The following STAG1 variants were observed in gnomAD, a reference collection of about 807,000 sequenced individuals.
The protein encoded by STAG1 is STAG1 cohesin complex component, also known as cohesin subunit SA-1.
A neutral mutation model predicts 170.9 loss-of-function variants in STAG1; 26 were observed. That is an observed-to-expected ratio of 0.15 (90% confidence interval 0.11 to 0.21). STAG1 has a LOEUF of 0.21. STAG1 is among the 10% of genes least tolerant of loss of function. The pLI, the probability that STAG1 is intolerant of heterozygous loss-of-function variation, is 1.00. For synonymous variants in STAG1, 514 were observed against 497.7 expected, an observed-to-expected ratio of 1.03 and a Z score of -0.44; for missense variants, 964 against 1,509.5, an observed-to-expected ratio of 0.64 and a Z score of 5.99.
chr3:136,390,804 G>A (rs1194319788), intron 22 of STAG1, among the ~76,000 whole-genome samples: 1 of 152,126 alleles, frequency 6.6e-6, no homozygotes, highest in African/African-American at 2.4e-5. Flanking sequence ...GCTATCTCTT[G>A]CTCACTGCTA....
intron 12 of STAG1, among the ~76,000 whole-genome samples, chr3:136,471,683 A>G (rs1460895657): frequency 1.3e-5 from 2 of 152,204 alleles, no homozygotes; most frequent in Non-Finnish European, 1.5e-5. Context: ...ACCTGTAGAA[A>G]TACAGCTATA....
intron 1 of STAG1, among the ~76,000 whole-genome samples, chr3:136,746,060 G>A (rs1934922050): frequency 6.6e-6 from 1 of 152,110 alleles, no homozygotes; most frequent in Non-Finnish European, 1.5e-5. Flanking sequence ...GCACTAAAAG[G>A]CAGGAAGCTG....
intron 1 of STAG1, among the ~76,000 whole-genome samples, chr3:136,687,390 T>C (rs1021015805): frequency 1.2e-4 from 19 of 152,220 alleles, no homozygotes; most frequent in African/African-American, 4.6e-4. Context: ...TGTTAAATTT[T>C]TTTTCTTGAA....
intron 12 of STAG1, among the ~76,000 whole-genome samples, chr3:136,469,738 T>C (rs1379124763): frequency 6.6e-6 from 1 of 152,010 alleles, no homozygotes. Flanking sequence ...CAAACTATAC[T>C]ACAAGGCTAC....
intron 1 of STAG1, among the ~76,000 whole-genome samples, chr3:136,709,088 A>C (rs1327768494): frequency 6.7e-6 from 1 of 150,336 alleles, no homozygotes; most frequent in Non-Finnish European, 1.5e-5. Flanking sequence ...TCAGGGGTTC[A>C]AGACCAGCCT....
At chr3:136,465,997 C>G (rs932169532) in intron 12 of STAG1, among the ~76,000 whole-genome samples, 1 of 152,106 alleles carries the variant, frequency 6.6e-6, no homozygotes, top group Non-Finnish European at 1.5e-5. Context: ...ACCAAAACCC[C>G]ATCTGTACGT....
At chr3:136,700,598 T>G (rs1943027822) in intron 1 of STAG1, among the ~76,000 whole-genome samples, 1 of 151,924 alleles carries the variant, frequency 6.6e-6, no homozygotes, top group Admixed American at 6.6e-5. Context: ...TTTTTGTATT[T>G]TTAGTAGAGA....
intron 28 of STAG1, 145 bp from the exon 29 acceptor site, chr3:136,349,508 A>C (rs1018636767): frequency 1.5e-6 from 1 of 651,536 alleles, no homozygotes; most frequent in South Asian, 1.9e-5. Context: ...TCACCTTTGG[A>C]AAGAGAGGGA....
chr3:136,503,343 T>C (rs1162607870), intron 7 of STAG1, among the ~76,000 whole-genome samples: 1 of 152,206 alleles, frequency 6.6e-6, no homozygotes, highest in Non-Finnish European at 1.5e-5. Context: ...AAAAATGTAC[T>C]TTGTGAATTT....
chr3:136,598,745 G>A (rs1208653322), intron 4 of STAG1, among the ~76,000 whole-genome samples: 2 of 151,962 alleles, frequency 1.3e-5, no homozygotes, highest in Non-Finnish European at 2.9e-5. Flanking sequence ...CTTTTAAAAA[G>A]CACCTTTTTA....
At chr3:136,340,194 G>T (rs1205853627) in intron 32 of STAG1, among the ~76,000 whole-genome samples, 2 of 152,026 alleles carry the variant, frequency 1.3e-5, no homozygotes, top group Non-Finnish European at 2.9e-5. Context: ...CGCTCTTGTT[G>T]TCCAGGCTAG....
intron 1 of STAG1, among the ~76,000 whole-genome samples, chr3:136,722,655 C>G (rs73230052): frequency 0.076 from 11,016 of 145,490 alleles, 468 homozygotes; most frequent in Non-Finnish European, 0.092. Flanking sequence ...CCTCTCCCCT[C>G]TCCCTTCTCC....
intron 1 of STAG1, among the ~76,000 whole-genome samples, chr3:136,744,785 C>T (rs1369030553): frequency 6.6e-6 from 1 of 151,012 alleles, no homozygotes; most frequent in Non-Finnish European, 1.5e-5. Flanking sequence ...AAGCAATTCT[C>T]GTGCCTCAGC....
intron 6 of STAG1, among the ~76,000 whole-genome samples, chr3:136,522,303 C>G (rs1013079055): frequency 6.6e-6 from 1 of 152,112 alleles, no homozygotes; most frequent in African/African-American, 2.4e-5. Context: ...ATCCCAAGAA[C>G]AGGTAACAAA....
chr3:136,415,548 T>C (rs2087747173), intron 21 of STAG1, among the ~76,000 whole-genome samples: 1 of 152,140 alleles, frequency 6.6e-6, no homozygotes, highest in Non-Finnish European at 1.5e-5. Context: ...TATTAAGAAG[T>C]GGTTGAGGGC....
intron 6 of STAG1, among the ~76,000 whole-genome samples, chr3:136,522,705 G>A (rs1179337929): frequency 1.3e-5 from 2 of 150,582 alleles, no homozygotes; most frequent in Non-Finnish European, 3.0e-5. Flanking sequence ...ATCTCCTAAT[G>A]CTATTCCTCC....
At chr3:136,341,658 G>T in intron 30 of STAG1, 107 bp from the exon 31 acceptor site, 1 of 673,836 alleles carries the variant, frequency 1.5e-6, no homozygotes, top group East Asian at 2.7e-5. Context: ...CATGTTGGAG[G>T]AATTAGCTGG....
At chr3:136,467,223 A>G (rs1202685432) in intron 12 of STAG1, among the ~76,000 whole-genome samples, 3 of 152,178 alleles carry the variant, frequency 2.0e-5, no homozygotes, top group Admixed American at 6.5e-5. Context: ...CAAATTGGAT[A>G]AAGAGTCAAG....
At chr3:136,422,649 G>C (rs1052492734) in intron 18 of STAG1, 36 bp from the exon 19 acceptor site, 36 of 1,577,232 alleles carry the variant, frequency 2.3e-5, no homozygotes, top group Non-Finnish European at 3.0e-5. Flanking sequence ...GTAATATTTA[G>C]GTTAACAATA....
Sources: gnomAD v4.1 joint callset for allele counts (sites outside exome capture counted in the v4.1 genomes callset) on GRCh38, gnomAD v4.1.1 for gene constraint, MANE v1.5 for transcripts, NCBI Gene and HGNC (gene_info 2026-07-23, HGNC 2026-07-21) for gene names.